Variants in LPA observed in about 807,000 individuals in gnomAD.
LPA encodes apolipoprotein(a).
LPA carries 199 observed loss-of-function variants against 197.9 expected under a neutral mutation model. The ratio of observed to expected loss-of-function variants is 1.01; its 90% CI spans 0.90 to 1.13. LPA has a LOEUF of 1.13. LPA is among the 50% of genes most tolerant of loss of function. The probability of loss-of-function intolerance (pLI) is 0.00; values close to 1 mark genes in which losing one functional copy is unlikely to be tolerated. For synonymous variants in LPA, 715 were observed against 639.5 expected (o/e 1.12, Z -1.78); for missense variants, 1,853 against 1,785.8 (o/e 1.04, Z -0.68).
At chr6:160,536,596 G>T (rs571262534) in intron 37 of LPA, among the ~76,000 whole-genome samples, 1 of 152,258 alleles carries the variant, frequency 6.6e-6, no homozygotes, top group South Asian at 2.1e-4. Context: ...CCTTCTCTGA[G>T]CCCCAGCTTC....
intron 32 of LPA, 34 bp from the exon 33 acceptor site, chr6:160,545,567 C>T (rs745462546): frequency 7.9e-6 from 10 of 1,258,666 alleles, no homozygotes; most frequent in African/African-American, 4.4e-5. Context: ...CTCCAGCTCA[C>T]GTGGAGCAGG....
intron 16 of LPA, among the ~76,000 whole-genome samples, chr6:160,610,665 T>C (rs1042090198): frequency 6.6e-6 from 1 of 152,160 alleles, no homozygotes; most frequent in South Asian, 2.1e-4. Context: ...AAACCAGTTC[T>C]TATTTGTAGC....
chr6:160,589,403 C>A, intron 24 of LPA, 150 bp downstream of exon 24: 1 of 893,860 alleles, frequency 1.1e-6, no homozygotes, highest in Non-Finnish European at 1.8e-6. Context: ...CTCTCAGACC[C>A]TGTGCCCAAA....
Position 160,577,192 on chromosome 6 carries a change from A to G in LPA, c.4575T>C (p.Ser1525=), listed in dbSNP as rs763516101. The G allele has an allele frequency of 2.5e-6, 4 of 1,613,974 alleles. No homozygotes were observed. The highest frequency in any genetic ancestry group is 2.2e-5 in the East Asian group (1 of 44,874). The change falls in exon 28 of 39, where the codon TCT becomes TCC. Residue 1525 remains serine (S), a synonymous_variant. Transcript: ENST00000316300. Reference sequence around the variant, plus strand: ...GCCAGTGTGGTATCATAGATGACCAAGATTGACAGGTCCTTCCTGTGACAG... The same window carrying G: ...GCCAGTGTGGTATCATAGATGACCAGGATTGACAGGTCCTTCCTGTGACAG... The part of the protein sequence containing the change: ...STTVTGRTCQ[S]WSSMIPHWHQ...
chr6:160,603,749 T>C (rs942115311), intron 18 of LPA, among the ~76,000 whole-genome samples: 2 of 152,228 alleles, frequency 1.3e-5, no homozygotes, highest in Admixed American at 1.3e-4. Flanking sequence ...AAGAGGGTTT[T>C]CCTCTCCCAG....
rs200127199 is a variant in LPA, at chr6:160,555,453, A to G, written c.4973+572T>C. Among the ~76,000 whole-genome samples the G allele has an allele frequency of 1.4e-4, 20 of 142,444 alleles. 1 individual carries two copies. In the East Asian group the frequency reaches 2.0e-3, roughly 14 times the overall value. The allele number at this position is 142,444 out of a possible 152,430, so 93.4% of individuals were successfully genotyped here. On this transcript the variant is annotated intron_variant, in intron 30 of 38. Coordinates refer to ENST00000316300, the MANE Select transcript of LPA (RefSeq NM_005577.4). ...CCCTAGAACATATATATATATATAT[A>G]TATGTGTGTGTATATATATATGTAT...
At chr6:160,615,387 GCTCAT>G (rs1779579384) in intron 14 of LPA, among the ~76,000 whole-genome samples, 1 of 69,688 alleles carries the variant, frequency 1.4e-5, no homozygotes, top group African/African-American at 7.6e-5. Flanking sequence ...TGTGTGTGTA[GCTCAT>G]TCTGTAGGTT....
chr6:160,557,653 CA>C, intron 28 of LPA, 82 bp from the exon 29 acceptor site: 1 of 1,272,144 alleles, frequency 7.9e-7, no homozygotes, highest in Non-Finnish European at 1.1e-6. Flanking sequence ...TTTGTTATAA[CA>C]AAGTGTTAAA....
At chr6:160,605,257 C>G in intron 17 of LPA, 52 bp from the exon 18 acceptor site, 1 of 1,601,934 alleles carries the variant, frequency 6.2e-7, no homozygotes, top group East Asian at 2.2e-5. Flanking sequence ...AAGAGACAAA[C>G]ATGTGAAGCC....
chr6:160,559,094 C>T (rs1477882633), intron 28 of LPA, among the ~76,000 whole-genome samples: 2 of 152,158 alleles, frequency 1.3e-5, no homozygotes, highest in South Asian at 2.1e-4. Flanking sequence ...GGATCAACAC[C>T]TATACCTGTG....
intron 33 of LPA, among the ~76,000 whole-genome samples, chr6:160,543,837 G>T (rs564498480): frequency 6.6e-6 from 1 of 152,272 alleles, no homozygotes; most frequent in South Asian, 2.1e-4. Context: ...CCAACCAGAG[G>T]CTCTAACTTT....
At chr6:160,592,525 C>T (rs965104352) in intron 22 of LPA, among the ~76,000 whole-genome samples, 2 of 152,094 alleles carry the variant, frequency 1.3e-5, no homozygotes, top group Non-Finnish European at 2.9e-5. Context: ...TCTATTATTT[C>T]TGGGCCTATT....
Position 160,586,620 on chromosome 6 carries a change from T to G in LPA, c.3958A>C (p.Arg1320=). 6.2e-7 allele frequency: 1 copy of G among 1,613,678 alleles called. No homozygotes were observed. The stretch of plus-strand genomic sequence containing the variant: ...GCATCTGGATTCCTGCAGTAGTTCC[T>G]GGTCAGGCCACTGCAAATTCCAAAA... ...TEYYPNGGLT[R]NYCRNPDAEI... Residue 1320 remains arginine, a synonymous_variant, in exon 25 of 39, where the codon AGG becomes CGG. Transcript: ENST00000316300.
At chr6:160,654,473 T>C (rs896644574) in intron 1 of LPA, among the ~76,000 whole-genome samples, 3 of 152,050 alleles carry the variant, frequency 2.0e-5, no homozygotes, top group Non-Finnish European at 4.4e-5. Context: ...ACTTTGCATC[T>C]TTCAATCCAA....
At chr6:160,605,731 G>A (rs567958957) in intron 17 of LPA, among the ~76,000 whole-genome samples, 2 of 152,166 alleles carry the variant, frequency 1.3e-5, no homozygotes, top group Non-Finnish European at 2.9e-5. Flanking sequence ...CCTTCGTCTA[G>A]GACTGCAGAC....
At chr6:160,634,679 G>T (rs1284060521) in intron 7 of LPA, among the ~76,000 whole-genome samples, 2 of 151,672 alleles carry the variant, frequency 1.3e-5, no homozygotes, top group Non-Finnish European at 2.9e-5. Flanking sequence ...AATTAATGCA[G>T]CCCTGTTAGG....
At chr6:160,584,876 A>G (rs1001815350) in intron 26 of LPA, among the ~76,000 whole-genome samples, 170 bp downstream of exon 26, 1 of 152,030 alleles carries the variant, frequency 6.6e-6, no homozygotes, top group Non-Finnish European at 1.5e-5. Flanking sequence ...CAATCCTAAA[A>G]CTTCTCTTCA....
At position 160,585,051 on chromosome 6, in the gene LPA, T is replaced by A. The variant is rs1778880927; in HGVS notation, c.4284A>T (p.Pro1428=). The A allele has an allele frequency of 6.2e-7, 1 of 1,613,596 alleles. No homozygotes were observed. The change falls in exon 26 of 39, where the codon CCA becomes CCT. Residue 1428 remains proline (P), a synonymous_variant. Transcript: ENST00000316300. ...HWHRRIPLYY[P]NAGLTRNYCR... is the part of the protein sequence containing the mutation. Reference sequence around the variant, plus strand: ...GGCTAACATGATAGACATACGCATTTGGATAGTATAATGGGATCCTCCGAT... The same window carrying A: ...GGCTAACATGATAGACATACGCATTAGGATAGTATAATGGGATCCTCCGAT...
intron 22 of LPA, among the ~76,000 whole-genome samples, chr6:160,591,895 G>C (rs962316688): frequency 6.6e-6 from 1 of 152,052 alleles, no homozygotes; most frequent in African/African-American, 2.4e-5. Context: ...TTAAGCTGTG[G>C]TCTTAGATCA....
Sources: gnomAD v4.1 joint callset for allele counts (sites outside exome capture counted in the v4.1 genomes callset) on GRCh38, gnomAD v4.1.1 for gene constraint, MANE v1.5 for transcripts, NCBI Gene and HGNC (gene_info 2026-07-23, HGNC 2026-07-21) for gene names.